The following TRDN variants were observed in gnomAD, a reference collection of about 807,000 sequenced individuals.
TRDN encodes the protein triadin, also known as triadin in skeletal muscle.
Under a neutral mutation model 149.7 loss-of-function variants are expected in TRDN, and 161 were observed. The ratio of observed to expected loss-of-function variants is 1.08; its 90% CI spans 0.95 to 1.23. TRDN has a LOEUF of 1.23. TRDN is among the 50% of genes most tolerant of loss of function. The pLI is 0.00. For missense variants in TRDN, 896 were observed against 823.5 expected (o/e 1.09, Z -1.08); for synonymous variants, 294 against 250.5 (o/e 1.17, Z -1.64).
chr6:123,386,661 T>C lies in TRDN; in HGVS notation c.1135+1861A>G, dbSNP rs548044737. Reference sequence around the variant, plus strand: ...CAGGAGGATGTCAAGAGGCAGCTTCTCATCACCTCCTGATTCCGCCTAAAG... The same window carrying C: ...CAGGAGGATGTCAAGAGGCAGCTTCCCATCACCTCCTGATTCCGCCTAAAG... On this transcript the variant is annotated intron_variant, in intron 14 of 40. Transcript: ENST00000334268. 1.1e-3 allele frequency among the ~76,000 whole-genome samples: 160 copies of C among 152,318 alleles called. 1 individual carries two copies. The highest frequency in any genetic ancestry group is 3.3e-3 in the African/African-American group (139 of 41,582).
chr6:123,608,593 G>A (rs1784633370), intron 1 of TRDN, among the ~76,000 whole-genome samples: 1 of 151,920 alleles, frequency 6.6e-6, no homozygotes, highest in Admixed American at 6.6e-5. Context: ...AACAATAAAT[G>A]GTAAACCTCA....
chr6:123,438,214 A>G, intron 11 of TRDN, 92 bp from the exon 12 acceptor site: 1 of 874,082 alleles, frequency 1.1e-6, no homozygotes. Flanking sequence ...CATCTAATTT[A>G]TCTTGTATAG....
intron 38 of TRDN, among the ~76,000 whole-genome samples, chr6:123,228,411 G>T (rs1164161312): frequency 6.6e-6 from 1 of 151,904 alleles, no homozygotes; most frequent in Non-Finnish European, 1.5e-5. Flanking sequence ...TCACATTTCA[G>T]CCTGGCTGAA....
chr6:123,517,088 G>GCTAA (rs1470972813), intron 5 of TRDN, among the ~76,000 whole-genome samples: 14 of 152,154 alleles, frequency 9.2e-5, no homozygotes, highest in Admixed American at 8.5e-4. Context: ...ACTAGTGGAT[G>GCTAA]CTAAGCAAAT....
intron 1 of TRDN, among the ~76,000 whole-genome samples, chr6:123,614,099 G>C (rs1175706441): frequency 6.6e-6 from 1 of 151,776 alleles, no homozygotes; most frequent in Non-Finnish European, 1.5e-5. Context: ...GGCTTGTTAG[G>C]AATGCAGGTT....
chr6:123,451,339 T>C (rs186399507), intron 10 of TRDN, among the ~76,000 whole-genome samples: 17 of 151,984 alleles, frequency 1.1e-4, no homozygotes, highest in Non-Finnish European at 8.8e-5. Flanking sequence ...ATAAATAAAA[T>C]TGATAGACCA....
At chr6:123,244,647 T>A (rs1002255969) in intron 38 of TRDN, among the ~76,000 whole-genome samples, 1 of 152,038 alleles carries the variant, frequency 6.6e-6, no homozygotes, top group African/African-American at 2.4e-5. Context: ...ACGGGGAGAA[T>A]GGAACCAAGT....
At chr6:123,231,748 G>A (rs772436846) in intron 38 of TRDN, among the ~76,000 whole-genome samples, 4 of 151,958 alleles carry the variant, frequency 2.6e-5, no homozygotes, top group Non-Finnish European at 4.4e-5. Context: ...GGCCTGCTGG[G>A]GAGTGAATGC....
intron 38 of TRDN, among the ~76,000 whole-genome samples, chr6:123,224,721 A>C (rs1446135145): frequency 6.6e-6 from 1 of 151,794 alleles, no homozygotes; most frequent in African/African-American, 2.4e-5. Context: ...AAAGGATGAA[A>C]GTGGACCTTT....
chr6:123,624,461 G>C (rs1785549859), intron 1 of TRDN, among the ~76,000 whole-genome samples: 1 of 152,094 alleles, frequency 6.6e-6, no homozygotes, highest in South Asian at 2.1e-4. Flanking sequence ...CAGTCACTAT[G>C]AACAAAGGCC....
chr6:123,351,645 A>G (rs1780466769), intron 21 of TRDN: 1 of 953,598 alleles, frequency 1.0e-6, no homozygotes, highest in Non-Finnish European at 1.2e-6. Flanking sequence ...CATGTGAGGG[A>G]TTGAAGGATT....
At chr6:123,384,618 CCTTT>C (rs1445122414) in intron 14 of TRDN, among the ~76,000 whole-genome samples, 3 of 152,080 alleles carry the variant, frequency 2.0e-5, no homozygotes, top group African/African-American at 7.2e-5. Flanking sequence ...TTTTAATCTG[CCTTT>C]CTATTTCCTA....
rs1697241256 is a variant in TRDN, at chr6:123,558,647, T to A, written c.233-10035A>T. Among the ~76,000 whole-genome samples the A allele has an allele frequency of 4.6e-5, 7 of 152,306 alleles. No individual in the cohort carries two copies. The South Asian group carries it at 1.0e-3, about 23-fold the overall frequency. On this transcript the variant is annotated intron_variant, in intron 2 of 40. Coordinates refer to ENST00000334268, the MANE Select transcript of TRDN (RefSeq NM_006073.4). Reference sequence around the variant, plus strand: ...CATCTTATTCTCAATATACATTTTATTACCCAATCTGCTCCCGACATTAAA... The same window carrying A: ...CATCTTATTCTCAATATACATTTTAATACCCAATCTGCTCCCGACATTAAA...
At chr6:123,568,622 CT>C (rs1211852781) in intron 2 of TRDN, among the ~76,000 whole-genome samples, 1 of 152,210 alleles carries the variant, frequency 6.6e-6, no homozygotes, top group Admixed American at 6.5e-5. Context: ...GGCACCAAGG[CT>C]TATGGCTTGT....
intron 12 of TRDN, among the ~76,000 whole-genome samples, chr6:123,398,543 T>C (rs1562294685): frequency 6.6e-6 from 1 of 152,230 alleles, no homozygotes. Flanking sequence ...GTTATTGTTT[T>C]CTATTCTTAT....
intron 12 of TRDN, among the ~76,000 whole-genome samples, chr6:123,416,014 G>C (rs189573864): frequency 1.3e-5 from 2 of 152,188 alleles, no homozygotes; most frequent in African/African-American, 4.8e-5. Context: ...CTCCAGGATG[G>C]AGTATGACGT....
At chr6:123,474,204 T>C (rs1291111417) in intron 9 of TRDN, among the ~76,000 whole-genome samples, 7 of 151,910 alleles carry the variant, frequency 4.6e-5, no homozygotes, top group Non-Finnish European at 1.0e-4. Context: ...ACCCATCTCA[T>C]ATGCAGAGAC....
intron 19 of TRDN, among the ~76,000 whole-genome samples, chr6:123,373,281 G>A (rs1215884559): frequency 6.6e-6 from 1 of 152,110 alleles, no homozygotes; most frequent in African/African-American, 2.4e-5. Flanking sequence ...TTTTAAAAAT[G>A]GGAGTTCTCT....
At chr6:123,451,045 G>C (rs1452215281) in intron 10 of TRDN, among the ~76,000 whole-genome samples, 1 of 152,024 alleles carries the variant, frequency 6.6e-6, no homozygotes, top group Non-Finnish European at 1.5e-5. Context: ...AAAATTATTT[G>C]AACTGAATGA....
Sources: gnomAD v4.1 joint callset for allele counts (sites outside exome capture counted in the v4.1 genomes callset) on GRCh38, gnomAD v4.1.1 for gene constraint, MANE v1.5 for transcripts, NCBI Gene and HGNC (gene_info 2026-07-23, HGNC 2026-07-21) for gene names.